The following KCNQ5 variants were observed in gnomAD, a reference collection of about 807,000 sequenced individuals.
The protein encoded by KCNQ5 is potassium voltage-gated channel subfamily KQT member 5.
In KCNQ5, 30 loss-of-function variants were observed where a neutral mutation model predicts 98.2. The ratio of observed to expected loss-of-function variants is 0.31; its 90% confidence interval spans 0.23 to 0.41. The LOEUF (loss-of-function observed/expected upper bound fraction) is 0.41. Among genes scored for constraint, KCNQ5 ranks in the 10% least tolerant of loss-of-function variants. The pLI is 1.00. For synonymous variants in KCNQ5, 458 were observed against 449.4 expected (o/e 1.02, Z -0.24); for missense variants, 835 against 1,182.5 (o/e 0.71, Z 4.31).
intron 1 of KCNQ5, among the ~76,000 whole-genome samples, chr6:72,839,824 A>G (rs1415469805): frequency 1.3e-5 from 2 of 152,352 alleles, no homozygotes; most frequent in Non-Finnish European, 2.9e-5. Flanking sequence ...TACTTTCAGT[A>G]ATCTCAAAAT....
At position 72,622,129 on chromosome 6, in the gene KCNQ5, A is replaced by G. The variant is rs2098915447; in HGVS notation, c.-61A>G. The G allele has an allele frequency of 3.4e-6, 4 of 1,192,134 alleles. No individual in the cohort carries two copies. The highest frequency in any genetic ancestry group is 4.2e-6 in the Non-Finnish European group (4 of 960,738). 73.8% of individuals were successfully genotyped at this position (1,192,134 alleles called of 1,614,324 possible). On this transcript the variant is annotated 5_prime_UTR_variant, in exon 1 of 14. An upstream start codon of the reference 5' UTR is lost. Transcript: ENST00000370398. The surrounding 1 kb of genome is among the most constrained non-coding windows in gnomAD (Gnocchi z 6.0). ...TCCTCCTTGAAACCCGCCGGCGCAC[A>G]TGAGGCCGCTGCCCCCGCCGCAGGC...
chr6:72,892,452 T>C (rs1031741020), intron 1 of KCNQ5, among the ~76,000 whole-genome samples: 1 of 152,174 alleles, frequency 6.6e-6, no homozygotes, highest in Non-Finnish European at 1.5e-5. Context: ...TGATGAAAGT[T>C]CACCCAGATC....
rs146936086 is a variant in KCNQ5, at chr6:72,857,903, A to T, written c.399-146005A>T. The stretch of plus-strand genomic sequence containing the variant: ...CACAGTAAACATTTCTTGAATGCCT[A>T]CTATGTGCTGGGCATTGGGCAAACT... On this transcript the variant is annotated intron_variant, in intron 1 of 13. Coordinates refer to ENST00000370398, the MANE Select transcript of KCNQ5 (RefSeq NM_019842.4). 8.1e-4 allele frequency among the ~76,000 whole-genome samples: 124 copies of T among 152,354 alleles called. 1 individual carries two copies. Among genetic ancestry groups the T allele is most frequent in the African/African-American group, 2.5e-3 (102 of 41,596 alleles).
chr6:72,774,073 T>A (rs1176441976), intron 1 of KCNQ5, among the ~76,000 whole-genome samples: 3 of 152,018 alleles, frequency 2.0e-5, no homozygotes, highest in East Asian at 3.9e-4. Flanking sequence ...GAAAAAAAAA[T>A]GAATCTTGAC....
intron 1 of KCNQ5, among the ~76,000 whole-genome samples, chr6:72,711,774 G>A (rs1306968714): frequency 6.6e-6 from 1 of 152,146 alleles, no homozygotes; most frequent in Non-Finnish European, 1.5e-5. Flanking sequence ...AATTTGTTGG[G>A]ACAAGGATTT....
intron 1 of KCNQ5, among the ~76,000 whole-genome samples, chr6:72,946,054 A>G (rs958823979): frequency 6.6e-6 from 1 of 152,158 alleles, no homozygotes; most frequent in African/African-American, 2.4e-5. Flanking sequence ...TCCAAAGGTC[A>G]CGTCTTCTCA....
At chr6:72,870,249 G>T (rs767101258) in intron 1 of KCNQ5, among the ~76,000 whole-genome samples, 7 of 151,978 alleles carry the variant, frequency 4.6e-5, no homozygotes, top group Non-Finnish European at 1.0e-4. Context: ...TGATGTATTT[G>T]TCTTTTGTCT....
At chr6:73,028,256 A>G (rs1770979781) in intron 2 of KCNQ5, among the ~76,000 whole-genome samples, 1 of 152,190 alleles carries the variant, frequency 6.6e-6, no homozygotes, top group Admixed American at 6.5e-5. Context: ...GGTGTGAACA[A>G]CACAGCTGCA....
chr6:72,935,604 A>G (rs1419357630), intron 1 of KCNQ5, among the ~76,000 whole-genome samples: 1 of 152,060 alleles, frequency 6.6e-6, no homozygotes, highest in Admixed American at 6.6e-5. Flanking sequence ...ACATGATCTA[A>G]TATATCCCTT....
At chr6:72,664,039 A>G (rs1015959546) in intron 1 of KCNQ5, among the ~76,000 whole-genome samples, 3 of 152,166 alleles carry the variant, frequency 2.0e-5, no homozygotes, top group East Asian at 1.9e-4. Context: ...ACCTGTTACA[A>G]TTTCCTAAAT....
chr6:73,148,812 A>G (rs1212322798), intron 10 of KCNQ5, among the ~76,000 whole-genome samples: 1 of 152,080 alleles, frequency 6.6e-6, no homozygotes. Flanking sequence ...AATTTATTTC[A>G]ACTGGCTGTT....
intron 11 of KCNQ5, among the ~76,000 whole-genome samples, chr6:73,184,055 G>C (rs78303091): frequency 6.6e-6 from 1 of 152,186 alleles, no homozygotes; most frequent in Non-Finnish European, 1.5e-5. Context: ...CATCCCAACA[G>C]GCTCTTCCCT....
intron 1 of KCNQ5, among the ~76,000 whole-genome samples, chr6:72,768,589 C>T (rs1327794474): frequency 2.0e-5 from 3 of 151,974 alleles, no homozygotes; most frequent in African/African-American, 7.2e-5. Flanking sequence ...AATGAGTCCA[C>T]ATGGAAAACG....
At chr6:72,695,316 C>A (rs1339758018) in intron 1 of KCNQ5, among the ~76,000 whole-genome samples, 1 of 152,138 alleles carries the variant, frequency 6.6e-6, no homozygotes, top group Non-Finnish European at 1.5e-5. Flanking sequence ...TTTACCTAAA[C>A]TCAATAACAT....
chr6:72,789,669 A>T (rs1175139591), intron 1 of KCNQ5, among the ~76,000 whole-genome samples: 1 of 152,184 alleles, frequency 6.6e-6, no homozygotes, highest in East Asian at 1.9e-4. Flanking sequence ...AGACATTATC[A>T]TTTATAAATT....
chr6:72,884,521 C>T (rs1778777958), intron 1 of KCNQ5, among the ~76,000 whole-genome samples: 1 of 152,176 alleles, frequency 6.6e-6, no homozygotes, highest in African/African-American at 2.4e-5. Flanking sequence ...GAGATACATC[C>T]TCACTTTCCT....
At chr6:72,867,366 C>T (rs371337237) in intron 1 of KCNQ5, among the ~76,000 whole-genome samples, 1 of 152,160 alleles carries the variant, frequency 6.6e-6, no homozygotes, top group Non-Finnish European at 1.5e-5. Context: ...CTGTTAACAA[C>T]TTTCTTTGGT....
At chr6:73,161,453 T>C (rs1196802554) in intron 10 of KCNQ5, among the ~76,000 whole-genome samples, 1 of 152,172 alleles carries the variant, frequency 6.6e-6, no homozygotes, top group Non-Finnish European at 1.5e-5. Flanking sequence ...ATAGCTCAAA[T>C]AGCTAGAAAA....
chr6:73,083,892 G>A (rs1004668665), intron 5 of KCNQ5, among the ~76,000 whole-genome samples: 2 of 152,192 alleles, frequency 1.3e-5, no homozygotes, highest in African/African-American at 2.4e-5. Context: ...GTAAAAGTCT[G>A]ATGTATTGTG....
Sources: gnomAD v4.1 joint callset for allele counts (sites outside exome capture counted in the v4.1 genomes callset) on GRCh38, gnomAD v4.1.1 for gene constraint, Gnocchi (gnomAD v3.1) non-coding constraint, MANE v1.5 for transcripts, NCBI Gene and HGNC (gene_info 2026-07-23, HGNC 2026-07-21) for gene names.